The following ADGRL4 variants were observed in gnomAD, a reference collection of about 807,000 sequenced individuals.
ADGRL4 encodes the protein adhesion G protein-coupled receptor L4.
A neutral mutation model predicts 74.8 loss-of-function variants in ADGRL4; 90 were observed. That is an observed-to-expected ratio of 1.20 (90% CI 1.02 to 1.43). The LOEUF is 1.43. ADGRL4 is among the 40% of genes most tolerant of loss of function. ADGRL4 has a pLI of 0.00. For synonymous variants in ADGRL4, 311 were observed against 279.2 expected, an observed-to-expected ratio of 1.11 and a Z score of -1.14; for missense variants, 881 against 814.3, an observed-to-expected ratio of 1.08 and a Z score of -1.00.
At chr1:78,971,753 G>A (rs961971215) in intron 2 of ADGRL4, among the ~76,000 whole-genome samples, 12 of 126,434 alleles carry the variant, frequency 9.5e-5, no homozygotes, top group African/African-American at 2.7e-4. Context: ...TGCAGGATTT[G>A]TTGTTTTTGT....
At chr1:78,924,505 C>T (rs1449322642) in intron 8 of ADGRL4, among the ~76,000 whole-genome samples, 1 of 151,738 alleles carries the variant, frequency 6.6e-6, no homozygotes, top group Non-Finnish European at 1.5e-5. Context: ...GGAAGGCATG[C>T]CTGGGCTGAT....
chr1:78,953,966 G>A (rs961707897), intron 2 of ADGRL4, among the ~76,000 whole-genome samples: 1 of 152,114 alleles, frequency 6.6e-6, no homozygotes, highest in African/African-American at 2.4e-5. Flanking sequence ...TGGCCAACAT[G>A]GTGAAACCTC....
rs533329789 is a variant in ADGRL4, at chr1:78,890,728, T to C, written c.*426A>G. On this transcript the variant is annotated 3_prime_UTR_variant, in exon 15 of 15. Transcript: ENST00000370742. ...GATATTCTGCCCCTTCATTCTCTTATGTTCCACTTTCTGTAATGGAGCTCA... is the reference window on the plus strand; with the variant it reads ...GATATTCTGCCCCTTCATTCTCTTACGTTCCACTTTCTGTAATGGAGCTCA... The C allele has an allele frequency of 1.2e-5, 2 of 160,220 alleles. No homozygotes were observed. Among genetic ancestry groups the C allele is most frequent in the African/African-American group, 4.8e-5 (2 of 41,756 alleles). 9.9% of individuals were successfully genotyped at this position (160,220 alleles called of 1,614,324 possible).
In ADGRL4 at chr1:78,940,804, G is replaced by C. The variant is rs145416387; in HGVS notation, c.326-1546C>G. ...ATCTAGCTAGTTATCTTAAATGCAG[G>C]TGTTCGTAATTTCTCACTCAAAAAT... On this transcript the variant is annotated intron_variant, in intron 3 of 14. Transcript: ENST00000370742. Among the ~76,000 whole-genome samples, 23 of 152,142 alleles carry C rather than the reference G, an allele frequency of 1.5e-4. No individual in the cohort carries two copies. In the East Asian group the frequency reaches 4.2e-3, roughly 28 times the overall value.
At chr1:78,981,841 T>G (rs1220714308) in intron 2 of ADGRL4, among the ~76,000 whole-genome samples, 1 of 151,844 alleles carries the variant, frequency 6.6e-6, no homozygotes, top group South Asian at 2.1e-4. Context: ...TTATTTAAGA[T>G]ATTTTATGTT....
At chr1:78,929,358 T>C (rs1329185356) in intron 7 of ADGRL4, among the ~76,000 whole-genome samples, 2 of 150,982 alleles carry the variant, frequency 1.3e-5, no homozygotes, top group African/African-American at 4.9e-5. Context: ...CTACAAAAAA[T>C]AGAATAATTA....
chr1:79,005,678 A>G (rs1650947369), intron 1 of ADGRL4, among the ~76,000 whole-genome samples: 1 of 152,214 alleles, frequency 6.6e-6, no homozygotes, highest in East Asian at 1.9e-4. Context: ...GTGTTATTTT[A>G]AGATGACATC....
chr1:79,003,066 C>A (rs972442225), intron 2 of ADGRL4, among the ~76,000 whole-genome samples: 1 of 151,958 alleles, frequency 6.6e-6, no homozygotes, highest in Non-Finnish European at 1.5e-5. Flanking sequence ...AAATAGGCAT[C>A]CTCTGTAGCT....
intron 7 of ADGRL4, among the ~76,000 whole-genome samples, chr1:78,935,438 T>C (rs6660820): frequency 0.98 from 148,487 of 151,904 alleles, 72,667 homozygotes; most frequent in East Asian, 1. Context: ...CTTAGAGGAC[T>C]GGGTCAATAG....
At chr1:79,005,326 A>C in intron 1 of ADGRL4, 107 bp from the exon 2 acceptor site, 1 of 905,606 alleles carries the variant, frequency 1.1e-6, no homozygotes, top group Non-Finnish European at 1.5e-6. Flanking sequence ...TTCTATTTAG[A>C]TAAATGGATT....
intron 7 of ADGRL4, among the ~76,000 whole-genome samples, chr1:78,935,132 T>C (rs1255137405): frequency 6.6e-6 from 1 of 152,102 alleles, no homozygotes; most frequent in South Asian, 2.1e-4. Flanking sequence ...CTATTTACAA[T>C]AGCAAATTTA....
At chr1:78,899,091 A>T (rs544419674) in intron 12 of ADGRL4, among the ~76,000 whole-genome samples, 2 of 152,302 alleles carry the variant, frequency 1.3e-5, no homozygotes, top group South Asian at 4.1e-4. Context: ...AAAAAAATGA[A>T]AAGATTTCTC....
Position 78,936,397 on chromosome 1 carries a change from A to T in ADGRL4, c.775T>A (p.Phe259Ile). 6.4e-7 allele frequency: 1 copy of T among 1,571,812 alleles called. No individual in the cohort carries two copies. Among genetic ancestry groups the T allele is most frequent in the Non-Finnish European group, 8.6e-7 (1 of 1,166,246 alleles). Residue 259 changes from phenylalanine (F) to isoleucine (I), a missense_variant, in exon 7 of 15, where the codon TTT (phenylalanine) becomes ATT (isoleucine). Coordinates refer to ENST00000370742, the MANE Select transcript of ADGRL4 (RefSeq NM_022159.4). ...TGTTTCATGTTATATGAATCAAAAAAGAAAACTTTGAGAGCTGAAACAAAA... is the reference window on the plus strand; with the variant it reads ...TGTTTCATGTTATATGAATCAAAAATGAAAACTTTGAGAGCTGAAACAAAA... ...NSTDIALKVF[F>I]FDSYNMKHIH...
chr1:78,937,981 TTACAAATTCC>T lies in ADGRL4; in HGVS notation c.577-1_585del. On this transcript the variant is annotated splice_acceptor_variant and coding_sequence_variant, in exon 6 of 15. Coordinates refer to ENST00000370742, the MANE Select transcript of ADGRL4 (RefSeq NM_022159.4). LOFTEE classifies it high-confidence loss of function. Reference sequence around the variant, plus strand: ...CTTTGAACAAAATTATTCACGGTTTTTACAAATTCCTATTGAAAAAAAGTATGTCTTTTAG... The same window carrying T: ...CTTTGAACAAAATTATTCACGGTTTTTATTGAAAAAAAGTATGTCTTTTAG... 6.2e-7 allele frequency: 1 copy of T among 1,609,838 alleles called. No homozygotes were observed.
intron 2 of ADGRL4, among the ~76,000 whole-genome samples, chr1:78,998,893 G>A (rs1650779264): frequency 6.6e-6 from 1 of 152,136 alleles, no homozygotes; most frequent in African/African-American, 2.4e-5. Context: ...GATAACACCA[G>A]CCCTTACTTC....
rs796786264 is a variant in ADGRL4 at position 78,987,994 on chromosome 1, G to A, written c.172+17076C>T. On this transcript the variant is annotated intron_variant, in intron 2 of 14. Coordinates refer to ENST00000370742, the MANE Select transcript of ADGRL4 (RefSeq NM_022159.4). ...TATTTAAATTTTTAAAATAGCCACT[G>A]CATTTTTTTTGTTTCTGTAATTTAG... is the stretch of plus-strand genomic sequence containing the variant. Among the ~76,000 whole-genome samples the A allele has an allele frequency of 5.5e-5, 6 of 108,616 alleles. No homozygotes were observed. In the South Asian group the frequency reaches 1.6e-3, roughly 29 times the overall value. The allele number at this position is 108,616 out of a possible 152,430, so 71.3% of individuals were successfully genotyped here. A position where few individuals can be genotyped will look rare whatever the true frequency, so the allele number is the denominator to read the frequency against.
intron 2 of ADGRL4, among the ~76,000 whole-genome samples, chr1:78,989,021 T>G (rs1370888383): frequency 6.6e-6 from 1 of 151,838 alleles, no homozygotes; most frequent in Non-Finnish European, 1.5e-5. Flanking sequence ...ATTTATTTCG[T>G]ATATTTTAAG....
In ADGRL4 at chr1:78,924,182, C is replaced by T. The variant is rs992887012; in HGVS notation, c.1084-2396G>A. Among the ~76,000 whole-genome samples the T allele has an allele frequency of 5.9e-5, 9 of 151,898 alleles. No homozygotes were observed. In the East Asian group the frequency reaches 9.7e-4, roughly 16 times the overall value. Reference sequence around the variant, plus strand: ...CCTTGAAAGCTGAAAGACATATGAACGAGATCTAGAAAGATCTGAGAAAAA... The same window carrying T: ...CCTTGAAAGCTGAAAGACATATGAATGAGATCTAGAAAGATCTGAGAAAAA... On this transcript the variant is annotated intron_variant, in intron 8 of 14. Coordinates refer to ENST00000370742, the MANE Select transcript of ADGRL4 (RefSeq NM_022159.4).
chr1:78,909,622 T>A (rs1169553765), intron 12 of ADGRL4, among the ~76,000 whole-genome samples: 10 of 151,908 alleles, frequency 6.6e-5, no homozygotes, highest in Admixed American at 5.9e-4. Flanking sequence ...TCGAACCATT[T>A]ATTTTTATTA....
Sources: gnomAD v4.1 joint callset for allele counts (sites outside exome capture counted in the v4.1 genomes callset) on GRCh38, gnomAD v4.1.1 for gene constraint, MANE v1.5 for transcripts, NCBI Gene and HGNC (gene_info 2026-07-23, HGNC 2026-07-21) for gene names.